LRP1B: variants seen among roughly 807,000 people sequenced by gnomAD.
LRP1B encodes low-density lipoprotein receptor-related protein 1B.
Under a neutral mutation model 556.6 loss-of-function variants are expected in LRP1B, and 217 were observed. The observed-to-expected ratio is 0.39, with a 90% CI of 0.35 to 0.44. The LOEUF is 0.44. Among genes scored for constraint, LRP1B ranks in the 20% least tolerant of loss-of-function variants. The probability of loss-of-function intolerance (pLI) is 1.00; values close to 1 mark genes in which losing one functional copy is unlikely to be tolerated. For missense variants in LRP1B, 5,053 were observed against 5,620.8 expected (o/e 0.90, Z 3.23); for synonymous variants, 2,047 against 1,865.8 (o/e 1.10, Z -2.50).
chr2:140,592,140 G>A (rs925011754), intron 43 of LRP1B, among the ~76,000 whole-genome samples: 1 of 151,666 alleles, frequency 6.6e-6, no homozygotes, highest in South Asian at 2.1e-4. Context: ...TTATAGTTCA[G>A]GTACTAAATA....
intron 2 of LRP1B, among the ~76,000 whole-genome samples, chr2:141,579,539 A>G (rs1686883196): frequency 6.6e-6 from 1 of 152,112 alleles, no homozygotes; most frequent in East Asian, 1.9e-4. Flanking sequence ...TTAATATGGC[A>G]TGTATGAACT....
chr2:140,752,388 A>G (rs140836935), intron 35 of LRP1B, among the ~76,000 whole-genome samples: 6,752 of 151,136 alleles, frequency 0.045, 241 homozygotes, highest in South Asian at 0.098. Flanking sequence ...GCAGTGGCAC[A>G]ATCTCGGCTC....
intron 1 of LRP1B, among the ~76,000 whole-genome samples, chr2:142,097,667 C>T (rs1052796862): frequency 6.6e-6 from 1 of 151,482 alleles, no homozygotes; most frequent in Non-Finnish European, 1.5e-5. Context: ...GAGCTATCTA[C>T]TGAAAAAATA....
chr2:140,605,015 T>A (rs1057343796), intron 41 of LRP1B, among the ~76,000 whole-genome samples: 1 of 152,054 alleles, frequency 6.6e-6, no homozygotes, highest in Non-Finnish European at 1.5e-5. Context: ...AATTACCCAG[T>A]CTCGGGTATG....
rs72846832 is a variant in LRP1B at position 141,401,056 on chromosome 2, G to C, written c.343+79340C>G. On this transcript the variant is annotated intron_variant, in intron 3 of 90. Transcript: ENST00000389484. Reference sequence around the variant, plus strand: ...GCTAGAACCACCTTTTTAAAAGCTGGCAATTAAACTTAAAAATTCACAGTG... The same window carrying C: ...GCTAGAACCACCTTTTTAAAAGCTGCCAATTAAACTTAAAAATTCACAGTG... Among the ~76,000 whole-genome samples the C allele has an allele frequency of 1.9e-3, 290 of 152,148 alleles. 1 individual carries two copies. Among genetic ancestry groups the C allele is most frequent in the Middle Eastern group, 3.4e-3 (1 of 294 alleles).
At chr2:141,639,367 TATATATATACAC>T (rs1558772359) in intron 2 of LRP1B, among the ~76,000 whole-genome samples, 1 of 51,128 alleles carries the variant, frequency 2.0e-5, no homozygotes, top group Non-Finnish European at 5.0e-5. Context: ...CACACACATA[TATATATATACAC>T]ATATATATAT....
At chr2:141,660,178 A>C (rs537465819) in intron 2 of LRP1B, among the ~76,000 whole-genome samples, 60 of 151,978 alleles carry the variant, frequency 3.9e-4, no homozygotes, top group African/African-American at 1.4e-3. Flanking sequence ...ACCCACAGAG[A>C]GTGAGGAAAA....
At chr2:140,771,575 T>C (rs974137792) in intron 33 of LRP1B, among the ~76,000 whole-genome samples, 4 of 152,196 alleles carry the variant, frequency 2.6e-5, no homozygotes, top group African/African-American at 9.6e-5. Context: ...ATCATCTAAT[T>C]AATTGGCATA....
chr2:141,963,497 T>G (rs1035666388), intron 1 of LRP1B, among the ~76,000 whole-genome samples: 36 of 151,738 alleles, frequency 2.4e-4, no homozygotes, highest in Non-Finnish European at 1.5e-4. Context: ...AAAAACCACA[T>G]GATTATCTCA....
chr2:141,219,210 G>A (rs1489183920), intron 6 of LRP1B, among the ~76,000 whole-genome samples: 7 of 152,184 alleles, frequency 4.6e-5, no homozygotes, highest in Non-Finnish European at 8.8e-5. Context: ...GAGTTCCTTG[G>A]GGGAGAGGCA....
chr2:141,813,809 A>G (rs937622028), intron 1 of LRP1B, among the ~76,000 whole-genome samples: 1 of 152,174 alleles, frequency 6.6e-6, no homozygotes, highest in Admixed American at 6.5e-5. Context: ...AGAATAAGGC[A>G]CACAGACTGG....
chr2:140,288,466 C>T (rs144001457), intron 84 of LRP1B, among the ~76,000 whole-genome samples: 6 of 151,838 alleles, frequency 4.0e-5, no homozygotes, highest in South Asian at 4.1e-4. Context: ...TAAATAACCA[C>T]GTTTAAAAGT....
At chr2:140,510,283 A>G (rs1689597705) in intron 51 of LRP1B, among the ~76,000 whole-genome samples, 1 of 152,234 alleles carries the variant, frequency 6.6e-6, no homozygotes, top group Non-Finnish European at 1.5e-5. Context: ...TCTTAAAGCT[A>G]CATGGTAGAA....
intron 3 of LRP1B, among the ~76,000 whole-genome samples, chr2:141,394,086 T>C (rs755473484): frequency 3.3e-5 from 5 of 152,156 alleles, no homozygotes; most frequent in Non-Finnish European, 7.4e-5. Flanking sequence ...TTAAAGTTAC[T>C]ACATTTAAAA....
chr2:141,751,135 A>T (rs1694095753), intron 2 of LRP1B, among the ~76,000 whole-genome samples: 1 of 152,088 alleles, frequency 6.6e-6, no homozygotes, highest in Admixed American at 6.6e-5. Flanking sequence ...TAGAAGATAT[A>T]CTGGAGGAAA....
At chr2:141,617,649 A>G (rs1329395456) in intron 2 of LRP1B, among the ~76,000 whole-genome samples, 2 of 152,202 alleles carry the variant, frequency 1.3e-5, no homozygotes, top group Non-Finnish European at 2.9e-5. Context: ...TTATCCAGTA[A>G]TAAGTGTTCA....
chr2:141,140,124 C>T (rs1315815874), intron 7 of LRP1B, among the ~76,000 whole-genome samples: 1 of 151,876 alleles, frequency 6.6e-6, no homozygotes, highest in Non-Finnish European at 1.5e-5. Context: ...TTATATAAAA[C>T]TGTAGAAAAT....
At chr2:141,605,561 C>T (rs1394192945) in intron 2 of LRP1B, among the ~76,000 whole-genome samples, 1 of 152,094 alleles carries the variant, frequency 6.6e-6, no homozygotes, top group Non-Finnish European at 1.5e-5. Flanking sequence ...AGCCAGGTCC[C>T]TTTAAGCAGA....
At chr2:140,610,916 T>C (rs1430096035) in intron 41 of LRP1B, among the ~76,000 whole-genome samples, 1 of 152,254 alleles carries the variant, frequency 6.6e-6, no homozygotes, top group Non-Finnish European at 1.5e-5. Context: ...ACAGAGATAG[T>C]AATGGTAACA....
Sources: gnomAD v4.1 joint callset for allele counts (sites outside exome capture counted in the v4.1 genomes callset) on GRCh38, gnomAD v4.1.1 for gene constraint, MANE v1.5 for transcripts, NCBI Gene and HGNC (gene_info 2026-07-23, HGNC 2026-07-21) for gene names.